Variants in MAP2 observed in about 807,000 individuals in gnomAD.
The protein encoded by MAP2 is microtubule-associated protein 2.
A neutral mutation model predicts 137.6 loss-of-function variants in MAP2; 14 were observed. The ratio of observed to expected loss-of-function variants is 0.10; its 90% CI spans 0.07 to 0.16. The LOEUF (loss-of-function observed/expected upper bound fraction) is 0.16. Ranked by LOEUF, MAP2 falls within the 10% of genes least tolerant of loss-of-function variation. The probability of loss-of-function intolerance (pLI) is 1.00; values close to 1 mark genes in which losing one functional copy is unlikely to be tolerated. For missense variants in MAP2, 2,088 were observed against 2,191.5 expected (o/e 0.95, Z 0.94); for synonymous variants, 786 against 782.3 (o/e 1.00, Z -0.08).
chr2:209,726,475 T>C (rs1185743610), intron 14 of MAP2, among the ~76,000 whole-genome samples: 2 of 152,130 alleles, frequency 1.3e-5, no homozygotes, highest in Admixed American at 6.5e-5. Context: ...TCTACCTCCA[T>C]AGAGTGGGCA....
At chr2:209,480,433 G>T (rs773455786) in intron 1 of MAP2, among the ~76,000 whole-genome samples, 3 of 152,100 alleles carry the variant, frequency 2.0e-5, no homozygotes, top group Non-Finnish European at 4.4e-5. Context: ...TGAGTCTGTG[G>T]ATACGTGGAA....
At chr2:209,648,793 AAAAAAAAAAAG>A (rs2094581600) in intron 4 of MAP2, among the ~76,000 whole-genome samples, 1 of 142,784 alleles carries the variant, frequency 7.0e-6, no homozygotes, top group African/African-American at 2.9e-5. Context: ...CGTCTCAAAA[AAAAAAAAAAAG>A]AAAGAAAGAA....
intron 7 of MAP2, 92 bp downstream of exon 7, chr2:209,680,919 G>A (rs901839895): frequency 1.1e-6 from 1 of 898,306 alleles, no homozygotes; most frequent in Non-Finnish European, 1.7e-6. Context: ...GTATTGGTTA[G>A]TATGTGACCA....
At chr2:209,479,562 A>T (rs1168523472) in intron 1 of MAP2, among the ~76,000 whole-genome samples, 1 of 152,158 alleles carries the variant, frequency 6.6e-6, no homozygotes, top group African/African-American at 2.4e-5. Context: ...TAATTTCTAA[A>T]TCTTATAGTA....
rs35915945 is a variant in MAP2, at chr2:209,696,201, A to C, written c.4031A>C (p.Lys1344Thr). ...GCAGCTGAAGCCCAGGCAGAACCCA[A>C]AGATGGTTCCCCAGAGGCTCCAGCT... ...EEAAEAQAEP[K>T]DGSPEAPASP... Residue 1344 changes from lysine (K) to threonine (T), a missense_variant, in exon 8 of 16, where the codon AAA becomes ACA. Coordinates refer to ENST00000682079, the MANE Select transcript of MAP2 (RefSeq NM_001375505.1). 599 of 1,613,750 alleles carry C rather than the reference A, an allele frequency of 3.7e-4. 3 individuals are homozygous for C. In the African/African-American group the frequency reaches 7.4e-3, roughly 20 times the overall value.
chr2:209,653,336 G>A lies in MAP2; in HGVS notation c.166G>A (p.Gly56Ser). ...ATTCCCATACAGGGAGGATGAAGAG[G>A]GTGCCTTTGGAGAGCATGGGTCACA... ...NGFPYREDEE[G>S]AFGEHGSQGT... Residue 56 changes from glycine (G) to serine (S), a missense_variant, in exon 5 of 16, where the codon GGT (glycine) becomes AGT (serine). Physicochemically the swap from Gly to Ser is moderately conservative, Grantham distance 56. Coordinates refer to ENST00000682079, the MANE Select transcript of MAP2 (RefSeq NM_001375505.1). 6.2e-7 allele frequency: 1 copy of A among 1,614,034 alleles called. No individual in the cohort carries two copies.
At chr2:209,458,754 A>T (rs1702100638) in intron 1 of MAP2, among the ~76,000 whole-genome samples, 1 of 152,140 alleles carries the variant, frequency 6.6e-6, no homozygotes, top group African/African-American at 2.4e-5. Flanking sequence ...CAGAAGTCCC[A>T]TAGAGGTGTT....
At chr2:209,452,508 G>A (rs1313897872) in intron 1 of MAP2, among the ~76,000 whole-genome samples, 1 of 152,102 alleles carries the variant, frequency 6.6e-6, no homozygotes, top group African/African-American at 2.4e-5. Flanking sequence ...GTATCCTGAG[G>A]CATATCATAT....
At chr2:209,564,107 T>A (rs2072830196) in intron 2 of MAP2, among the ~76,000 whole-genome samples, 1 of 151,668 alleles carries the variant, frequency 6.6e-6, no homozygotes, top group African/African-American at 2.4e-5. Context: ...TACCTGTTAT[T>A]ACCGATCGCA....
intron 2 of MAP2, among the ~76,000 whole-genome samples, chr2:209,540,439 C>T (rs982284341): frequency 4.6e-5 from 7 of 151,252 alleles, no homozygotes; most frequent in Non-Finnish European, 7.4e-5. Flanking sequence ...CGAGACTAGC[C>T]TGACCAACAT....
At chr2:209,574,432 TACACACACACAC>T (rs57166815) in intron 2 of MAP2, among the ~76,000 whole-genome samples, 2 of 148,790 alleles carry the variant, frequency 1.3e-5, no homozygotes, top group South Asian at 2.2e-4. Context: ...ATAGTATAGA[TACACACACACAC>T]ACACACACAC....
At chr2:209,494,241 TG>T (rs2059469633) in intron 1 of MAP2, among the ~76,000 whole-genome samples, 1 of 151,674 alleles carries the variant, frequency 6.6e-6, no homozygotes, top group South Asian at 2.1e-4. Context: ...AATGAGAACA[TG>T]GGCACAGGGC....
chr2:209,648,155 G>A (rs1179429639), intron 4 of MAP2, among the ~76,000 whole-genome samples: 1 of 150,662 alleles, frequency 6.6e-6, no homozygotes, highest in Non-Finnish European at 1.5e-5. Context: ...AGGCTGGAGT[G>A]CAATGGTGTG....
chr2:209,600,436 C>T (rs1395112720), intron 3 of MAP2, among the ~76,000 whole-genome samples: 1 of 152,126 alleles, frequency 6.6e-6, no homozygotes, highest in African/African-American at 2.4e-5. Context: ...CCAGACCCAC[C>T]AGCTGCTGTC....
intron 14 of MAP2, among the ~76,000 whole-genome samples, chr2:209,726,133 G>T (rs183264755): frequency 1.3e-5 from 2 of 152,126 alleles, no homozygotes; most frequent in South Asian, 2.1e-4. Flanking sequence ...ATTGGGGGTA[G>T]CATTTCCAAG....
At chr2:209,573,355 ACGATCTC>A in intron 2 of MAP2, among the ~76,000 whole-genome samples, 1 of 132,460 alleles carries the variant, frequency 7.5e-6, no homozygotes, top group South Asian at 2.3e-4. Flanking sequence ...GTGCAGTGGC[ACGATCTC>A]GGCTCACCAC....
At chr2:209,660,130 G>C (rs2042745386) in intron 5 of MAP2, among the ~76,000 whole-genome samples, 1 of 152,026 alleles carries the variant, frequency 6.6e-6, no homozygotes, top group Non-Finnish European at 1.5e-5. Context: ...AGATTAAAAG[G>C]CAATTCCTCA....
intron 4 of MAP2, among the ~76,000 whole-genome samples, chr2:209,628,056 C>A (rs2092580546): frequency 6.6e-6 from 1 of 152,092 alleles, no homozygotes; most frequent in South Asian, 2.1e-4. Flanking sequence ...TTGAGTCTTA[C>A]TAACTTATGT....
intron 4 of MAP2, among the ~76,000 whole-genome samples, chr2:209,651,492 T>G (rs895661481): frequency 2.6e-5 from 4 of 152,216 alleles, no homozygotes; most frequent in Non-Finnish European, 4.4e-5. Context: ...TGCCAGGAAC[T>G]GTGTTGAGCC....
Sources: allele counts gnomAD v4.1 joint callset (sites outside exome capture counted in the v4.1 genomes callset), GRCh38; gene constraint gnomAD v4.1.1; transcripts MANE v1.5; gene names NCBI Gene and HGNC (gene_info 2026-07-23, HGNC 2026-07-21).